Variants in SHISA9 observed in about 807,000 individuals in gnomAD.
SHISA9 encodes shisa family member 9.
A neutral mutation model predicts 38.0 loss-of-function variants in SHISA9; 13 were observed. The observed-to-expected ratio is 0.34, with a 90% CI of 0.22 to 0.54. SHISA9 has a LOEUF of 0.54. Among genes scored for constraint, SHISA9 ranks in the 20% least tolerant of loss-of-function variants. SHISA9 has a pLI of 0.91. For missense variants in SHISA9, 538 were observed against 575.8 expected, an observed-to-expected ratio of 0.93 and a Z score of 0.67; for synonymous variants, 275 against 242.0, an observed-to-expected ratio of 1.14 and a Z score of -1.27.
chr16:13,391,676 C>G, the SHISA9 span, among the ~76,000 whole-genome samples: 1 of 152,070 alleles, frequency 6.6e-6, no homozygotes, highest in Admixed American at 6.6e-5. Flanking sequence ...AGGGTGGAAT[C>G]CAGGAATCAA....
the SHISA9 span, among the ~76,000 whole-genome samples, chr16:13,415,071 C>T: frequency 6.6e-6 from 1 of 152,140 alleles, no homozygotes; most frequent in African/African-American, 2.4e-5. Context: ...TCTGATTGGC[C>T]AAAACTCAGG....
chr16:13,507,650 G>A, the SHISA9 span, among the ~76,000 whole-genome samples: 3 of 152,154 alleles, frequency 2.0e-5, no homozygotes, highest in Non-Finnish European at 4.4e-5. Flanking sequence ...GAGTGTGGTT[G>A]AATTTACCAG....
chr16:13,068,871 G>GTGCA (rs1567201212), intron 2 of SHISA9, among the ~76,000 whole-genome samples: 3 of 137,044 alleles, frequency 2.2e-5, no homozygotes, highest in African/African-American at 1.1e-4. Flanking sequence ...TGCAATGTGT[G>GTGCA]TATGTGTATT....
the SHISA9 span, among the ~76,000 whole-genome samples, chr16:13,432,974 A>G: frequency 2.0e-5 from 3 of 152,138 alleles, no homozygotes; most frequent in Admixed American, 1.3e-4. Flanking sequence ...TACTAGGCTT[A>G]ATGCTTAGGT....
At position 13,237,928 on chromosome 16, in the gene SHISA9, T is replaced by A. The variant is rs1318868737; in HGVS notation, c.*2519T>A. 2 of 152,210 alleles carry A rather than the reference T, an allele frequency of 1.3e-5. No homozygotes were observed. The highest frequency in any genetic ancestry group is 2.9e-5 in the Non-Finnish European group (2 of 68,042). The allele number at this position is 152,210 out of a possible 1,614,324, so 9.4% of individuals were successfully genotyped here. A position where few individuals can be genotyped will look rare whatever the true frequency, so the allele number is the denominator to read the frequency against. Reference sequence around the variant, plus strand: ...TCACAATATTTGTATCTAAATTGATTCATTTTAATGCATTTTGTTTTTAAA... The same window carrying A: ...TCACAATATTTGTATCTAAATTGATACATTTTAATGCATTTTGTTTTTAAA... On this transcript the variant is annotated 3_prime_UTR_variant, in exon 5 of 5. Transcript: ENST00000558583.
intron 2 of SHISA9, among the ~76,000 whole-genome samples, chr16:12,946,834 A>G (rs1473281209): frequency 2.0e-5 from 3 of 152,260 alleles, no homozygotes; most frequent in Non-Finnish European, 4.4e-5. Context: ...TCTCTAGGGC[A>G]GGAGGCAGCA....
chr16:13,247,563 C>T, the SHISA9 span, among the ~76,000 whole-genome samples: 1 of 151,984 alleles, frequency 6.6e-6, no homozygotes, highest in Non-Finnish European at 1.5e-5. Context: ...TATCTGGATC[C>T]AGTTACTGTG....
intron 1 of SHISA9, chr16:12,908,643 G>T: frequency 6.5e-7 from 1 of 1,549,626 alleles, no homozygotes; most frequent in South Asian, 1.2e-5. Flanking sequence ...AGGAATTCCA[G>T]ACTTCTCAGA....
chr16:12,918,789 T>A (rs1349664614), intron 2 of SHISA9, among the ~76,000 whole-genome samples: 2 of 152,030 alleles, frequency 1.3e-5, no homozygotes, highest in Non-Finnish European at 2.9e-5. Context: ...ATTCTAGAAG[T>A]CATTCTACAA....
chr16:13,105,821 G>T (rs896114424), intron 2 of SHISA9, among the ~76,000 whole-genome samples: 4 of 152,160 alleles, frequency 2.6e-5, no homozygotes, highest in African/African-American at 7.2e-5. Context: ...CCTGGCCGGG[G>T]TACAGAGCTT....
chr16:13,261,947 C>G, the SHISA9 span, among the ~76,000 whole-genome samples: 1 of 152,326 alleles, frequency 6.6e-6, no homozygotes, highest in East Asian at 1.9e-4. Flanking sequence ...CAAGATTCTG[C>G]TGGCAGGTGT....
the SHISA9 span, among the ~76,000 whole-genome samples, chr16:13,252,505 C>A: frequency 6.6e-6 from 1 of 152,180 alleles, no homozygotes; most frequent in Non-Finnish European, 1.5e-5. Context: ...CCCCAGGACC[C>A]TTCTTCATGC....
intron 2 of SHISA9, among the ~76,000 whole-genome samples, chr16:12,994,793 G>T (rs2072437515): frequency 6.6e-6 from 1 of 152,098 alleles, no homozygotes; most frequent in Non-Finnish European, 1.5e-5. Flanking sequence ...AGGTGGCAAG[G>T]ATGTCCGTAT....
chr16:13,116,793 A>G (rs1231426718), intron 2 of SHISA9, among the ~76,000 whole-genome samples: 5 of 152,222 alleles, frequency 3.3e-5, no homozygotes, highest in Admixed American at 1.3e-4. Context: ...ATACGTGAAT[A>G]GTGCCTAACA....
the SHISA9 span, among the ~76,000 whole-genome samples, chr16:13,461,671 T>A: frequency 1.4e-5 from 2 of 141,506 alleles, no homozygotes; most frequent in Non-Finnish European, 3.0e-5. Flanking sequence ...TAGAGTGCAG[T>A]GGCATGATCT....
At chr16:13,407,823 C>T in the SHISA9 span, among the ~76,000 whole-genome samples, 1 of 152,204 alleles carries the variant, frequency 6.6e-6, no homozygotes, top group Non-Finnish European at 1.5e-5. Flanking sequence ...ATCTTACTTT[C>T]TTCATAATTG....
the SHISA9 span, among the ~76,000 whole-genome samples, chr16:13,371,004 AT>A: frequency 6.6e-6 from 1 of 152,160 alleles, no homozygotes; most frequent in Non-Finnish European, 1.5e-5. Context: ...ACGACAAATA[AT>A]TTTTTACTCT....
the SHISA9 span, among the ~76,000 whole-genome samples, chr16:13,489,619 C>T: frequency 6.6e-6 from 1 of 152,152 alleles, no homozygotes; most frequent in South Asian, 2.1e-4. Context: ...TTTCCCCTTT[C>T]ACTTGGCTCT....
At chr16:12,999,246 G>T (rs2072495162) in intron 2 of SHISA9, among the ~76,000 whole-genome samples, 1 of 152,098 alleles carries the variant, frequency 6.6e-6, no homozygotes, top group African/African-American at 2.4e-5. Context: ...ATCACCAACA[G>T]AAAGAACAAA....
Sources: allele counts gnomAD v4.1 joint callset (sites outside exome capture counted in the v4.1 genomes callset), GRCh38; gene constraint gnomAD v4.1.1; transcripts MANE v1.5; gene names NCBI Gene and HGNC (gene_info 2026-07-23, HGNC 2026-07-21).